VWA8: variants seen among roughly 807,000 people sequenced by gnomAD.
VWA8 encodes the protein von Willebrand factor A domain-containing protein 8.
Under a neutral mutation model 241.5 loss-of-function variants are expected in VWA8, and 221 were observed. The observed-to-expected ratio is 0.91, with a 90% CI of 0.82 to 1.02. VWA8 has a LOEUF of 1.02. Among genes scored for constraint, VWA8 ranks in the 50% least tolerant of loss-of-function variants. VWA8 has a pLI of 0.00. For synonymous variants in VWA8, 852 were observed against 827.1 expected (o/e 1.03, Z -0.52); for missense variants, 2,322 against 2,328.7 (o/e 1.00, Z 0.06).
At position 41,774,278 on chromosome 13, in the gene VWA8, T is replaced by C. The variant is rs1038660702; in HGVS notation, c.2349+3707A>G. The stretch of plus-strand genomic sequence containing the variant: ...TCTCAGCCTCCGAAGTAGATGGGAC[T>C]GCAAGCGCATGCCACTTCACCTGGC... On this transcript the variant is annotated intron_variant, in intron 20 of 44. Coordinates refer to ENST00000379310, the MANE Select transcript of VWA8 (RefSeq NM_015058.2). Among the ~76,000 whole-genome samples the C allele has an allele frequency of 3.3e-5, 5 of 152,350 alleles. No individual in the cohort carries two copies. The East Asian group carries it at 5.8e-4, about 18-fold the overall frequency.
intron 17 of VWA8, among the ~76,000 whole-genome samples, chr13:41,804,855 C>T (rs768900770): frequency 6.6e-6 from 1 of 152,030 alleles, no homozygotes; most frequent in Non-Finnish European, 1.5e-5. Flanking sequence ...TTTAAAATAA[C>T]GAGTTATAAG....
At chr13:41,926,501 G>C in intron 2 of VWA8, 1 of 531,216 alleles carries the variant, frequency 1.9e-6, no homozygotes, top group Non-Finnish European at 3.8e-6. Context: ...TAAGATGCTA[G>C]TGGTTGGTGG....
intron 21 of VWA8, among the ~76,000 whole-genome samples, chr13:41,733,382 A>C (rs755483478): frequency 2.0e-5 from 3 of 152,212 alleles, no homozygotes; most frequent in Non-Finnish European, 4.4e-5. Context: ...ATCAGGATTC[A>C]AATTCTTGTT....
At position 41,698,830 on chromosome 13, in the gene VWA8, G is replaced by A. The variant is rs540149987; in HGVS notation, c.3564+241C>T. On this transcript the variant is annotated intron_variant, in intron 29 of 44. Transcript: ENST00000379310. ...AATCATCTGACCTCAGATGTCAATA[G>A]TGTCGAGGTTGAAAAACCCTGACTT... is the stretch of plus-strand genomic sequence containing the variant. 1.6e-3 allele frequency among the ~76,000 whole-genome samples: 238 copies of A among 152,214 alleles called. No homozygotes were observed. The Middle Eastern group carries it at 0.02, about 13-fold the overall frequency.
intron 43 of VWA8, among the ~76,000 whole-genome samples, chr13:41,574,173 G>T (rs1441807062): frequency 2.9e-5 from 3 of 104,250 alleles, no homozygotes; most frequent in Non-Finnish European, 5.6e-5. Flanking sequence ...AAAGTTTTCT[G>T]TAAAAAAAAA....
At chr13:41,574,018 C>T (rs1593624235) in intron 43 of VWA8, among the ~76,000 whole-genome samples, 1 of 152,128 alleles carries the variant, frequency 6.6e-6, no homozygotes, top group South Asian at 2.1e-4. Flanking sequence ...ATGGATTTCC[C>T]TTTAACCCTG....
At chr13:41,848,374 T>C (rs951952650) in intron 12 of VWA8, among the ~76,000 whole-genome samples, 37 of 152,304 alleles carry the variant, frequency 2.4e-4, no homozygotes, top group African/African-American at 8.7e-4. Context: ...AATGTGCTGG[T>C]TGAACTCTCA....
At chr13:41,630,224 C>CA (rs2044717524) in intron 37 of VWA8, among the ~76,000 whole-genome samples, 1 of 152,076 alleles carries the variant, frequency 6.6e-6, no homozygotes, top group Non-Finnish European at 1.5e-5. Context: ...GTTTGTCTTG[C>CA]AGAAGTCCTG....
At chr13:41,803,185 A>C (rs960604454) in intron 17 of VWA8, among the ~76,000 whole-genome samples, 2 of 152,210 alleles carry the variant, frequency 1.3e-5, no homozygotes, top group Non-Finnish European at 2.9e-5. Flanking sequence ...ATACTTGGAA[A>C]TCTTTCCCAA....
intron 4 of VWA8, among the ~76,000 whole-genome samples, chr13:41,894,250 G>A (rs1203589537): frequency 6.6e-6 from 1 of 152,174 alleles, no homozygotes; most frequent in Non-Finnish European, 1.5e-5. Flanking sequence ...GGTGTACTGT[G>A]GTCTGCTATG....
chr13:41,669,126 C>T (rs1347223094), intron 37 of VWA8, among the ~76,000 whole-genome samples: 1 of 152,094 alleles, frequency 6.6e-6, no homozygotes, highest in Non-Finnish European at 1.5e-5. Context: ...TGCCACCATG[C>T]CCAGCTTATA....
chr13:41,784,708 A>ATATATATATATG lies in VWA8; in HGVS notation c.2171-808_2171-807insCATATATATATA, dbSNP rs1276166430. Among the ~76,000 whole-genome samples, 7 of 67,592 alleles carry ATATATATATATG rather than the reference A, an allele frequency of 1.0e-4. No individual in the cohort carries two copies. In the East Asian group the frequency reaches 2.5e-3, roughly 24 times the overall value. 44.3% of individuals were successfully genotyped at this position (67,592 alleles called of 152,430 possible). On this transcript the variant is annotated intron_variant, in intron 18 of 44. Transcript: ENST00000379310. ...TACATATACATATACATATATATAT[A>ATATATATATATG]TATATATATATATATATATATACAC...
intron 24 of VWA8, among the ~76,000 whole-genome samples, chr13:41,722,615 A>C (rs899210663): frequency 6.6e-6 from 1 of 152,180 alleles, no homozygotes; most frequent in Non-Finnish European, 1.5e-5. Flanking sequence ...ACCTATCACT[A>C]ACATAAAAAG....
intron 17 of VWA8, among the ~76,000 whole-genome samples, chr13:41,793,361 C>T (rs1165604922): frequency 6.6e-6 from 1 of 151,912 alleles, no homozygotes; most frequent in East Asian, 1.9e-4. Context: ...ATATAATATA[C>T]CTACATTTGA....
intron 43 of VWA8, among the ~76,000 whole-genome samples, chr13:41,572,175 T>TG (rs879619765): frequency 2.2e-4 from 33 of 147,962 alleles, no homozygotes; most frequent in African/African-American, 3.5e-4. Context: ...GGGAGGGAGG[T>TG]GGGGGGTCAG....
Position 41,664,389 on chromosome 13 carries a change from ATGTGTGTGTGTGTGTGTGTG to A in VWA8, c.4611+6537_4611+6556del, listed in dbSNP as rs3073033. On this transcript the variant is annotated intron_variant, in intron 37 of 44. Coordinates refer to ENST00000379310, the MANE Select transcript of VWA8 (RefSeq NM_015058.2). The stretch of plus-strand genomic sequence containing the variant: ...TAAAATTTCAAGTGGACATGCTTTG[ATGTGTGTGTGTGTGTGTGTG>A]TGTGTGTGTGTGTGTGTGTGTTCCA... 2.9e-5 allele frequency among the ~76,000 whole-genome samples: 4 copies of A among 137,966 alleles called. No individual in the cohort carries two copies. The South Asian group carries it at 7.4e-4, about 25-fold the overall frequency. 90.5% of individuals were successfully genotyped at this position (137,966 alleles called of 152,430 possible).
intron 9 of VWA8, among the ~76,000 whole-genome samples, chr13:41,881,371 CCG>C (rs1491538668): frequency 9.1e-5 from 1 of 10,984 alleles, no homozygotes; most frequent in African/African-American, 2.4e-4. Flanking sequence ...TTTTTTTTTG[CCG>C]GGGGGGGGGG....
At chr13:41,591,376 C>T (rs992989302) in intron 40 of VWA8, among the ~76,000 whole-genome samples, 4 of 152,238 alleles carry the variant, frequency 2.6e-5, no homozygotes, top group Middle Eastern at 3.4e-3. Flanking sequence ...ACTAATTTTA[C>T]GGCAGTAAAA....
intron 4 of VWA8, among the ~76,000 whole-genome samples, chr13:41,897,669 TTG>T (rs1397888695): frequency 6.6e-6 from 1 of 151,648 alleles, no homozygotes; most frequent in Non-Finnish European, 1.5e-5. Flanking sequence ...GCGTCTGGAG[TTG>T]TTTGTTCCTC....
Sources: gnomAD v4.1 joint callset for allele counts (sites outside exome capture counted in the v4.1 genomes callset) on GRCh38, gnomAD v4.1.1 for gene constraint, MANE v1.5 for transcripts, NCBI Gene and HGNC (gene_info 2026-07-23, HGNC 2026-07-21) for gene names.